ARHGAP44: variants seen among roughly 807,000 people sequenced by gnomAD.
ARHGAP44 encodes the protein Rho GTPase activating protein 44.
ARHGAP44 carries 43 observed loss-of-function variants against 106.8 expected under a neutral mutation model. The ratio of observed to expected loss-of-function variants is 0.40; its 90% CI spans 0.32 to 0.52. The LOEUF (loss-of-function observed/expected upper bound fraction) is 0.52. ARHGAP44 is among the 20% of genes least tolerant of loss of function. The pLI is 0.48. For missense variants in ARHGAP44, 866 were observed against 1,050.5 expected, an observed-to-expected ratio of 0.82 and a Z score of 2.43; for synonymous variants, 439 against 410.3, an observed-to-expected ratio of 1.07 and a Z score of -0.85.
Position 12,915,045 on chromosome 17 carries a change from T to G in ARHGAP44, c.276-855T>G, listed in dbSNP as rs547240329. ...GACTTGTAAAAGCTTTTTTGTTTGT[T>G]TATGTGTTTTTGAGACAGGGTCTCG... On this transcript the variant is annotated intron_variant, in intron 4 of 20. Coordinates refer to ENST00000379672, the MANE Select transcript of ARHGAP44 (RefSeq NM_014859.6). 1.9e-3 allele frequency among the ~76,000 whole-genome samples: 287 copies of G among 152,172 alleles called. 1 individual carries two copies. Among genetic ancestry groups the G allele is most frequent in the African/African-American group, 6.5e-3 (272 of 41,552 alleles).
At chr17:12,804,900 A>G (rs1405160655) in intron 1 of ARHGAP44, among the ~76,000 whole-genome samples, 2 of 152,216 alleles carry the variant, frequency 1.3e-5, no homozygotes, top group African/African-American at 4.8e-5. Flanking sequence ...TCATTCCTAG[A>G]GTGCAATTCA....
intron 1 of ARHGAP44, among the ~76,000 whole-genome samples, chr17:12,873,608 A>C (rs941373928): frequency 1.3e-4 from 20 of 152,218 alleles, no homozygotes; most frequent in Admixed American, 4.6e-4. Flanking sequence ...AGCTGGGCGC[A>C]AACCACCAGC....
chr17:12,944,069 A>T lies in ARHGAP44; in HGVS notation c.734A>T (p.Glu245Val). The change falls in exon 10 of 21, where the codon GAG (glutamate) becomes GTG (valine). Residue 245 changes from glutamate (E) to valine (V), a missense_variant and splice_region_variant. Glu to Val is a moderately radical substitution (Grantham distance 121). Transcript: ENST00000379672. Reference protein sequence around the residue: ...AVLPQIKAQQEAWVEKPSFGK... With the variant: ...AVLPQIKAQQVAWVEKPSFGK... The stretch of plus-strand genomic sequence containing the variant: ...GACTCTTTCTCACTCCTCCCCTCAG[A>T]GGCCTGGGTAGAGAAGCCTTCCTTC... The T allele has an allele frequency of 6.2e-7, 1 of 1,606,328 alleles. No homozygotes were observed. Among genetic ancestry groups the T allele is most frequent in the Non-Finnish European group, 8.5e-7 (1 of 1,175,302 alleles).
intron 1 of ARHGAP44, among the ~76,000 whole-genome samples, chr17:12,867,499 T>C (rs2036267541): frequency 6.6e-6 from 1 of 152,134 alleles, no homozygotes; most frequent in Admixed American, 6.5e-5. Flanking sequence ...AATTTGCAAG[T>C]CACAATTGTG....
intron 3 of ARHGAP44, among the ~76,000 whole-genome samples, chr17:12,905,804 T>G (rs1440929493): frequency 3.3e-5 from 5 of 152,202 alleles, no homozygotes. Context: ...CTGTGAATGT[T>G]TATCACAAAC....
intron 16 of ARHGAP44, 155 bp from the exon 17 acceptor site, chr17:12,973,147 G>A: frequency 1.4e-6 from 1 of 723,898 alleles, no homozygotes. Flanking sequence ...ACTTTAGAGA[G>A]ACCAACTAAA....
rs1385382899 is a variant in ARHGAP44 at position 12,955,918 on chromosome 17, G to A, written c.1188G>A (p.Lys396=). ...TGTCAGAATATCAAGATGTAAACAA[G>A]ATGACTCCCAGTAATATGGCAATTG... ...SKLSEYQDVN[K]MTPSNMAIVL... The change falls in exon 14 of 21, where the codon AAG becomes AAA. Residue 396 remains lysine, a synonymous_variant. Transcript: ENST00000379672. 6.2e-7 allele frequency: 1 copy of A among 1,613,502 alleles called. No homozygotes were observed. The highest frequency in any genetic ancestry group is 1.1e-5 in the South Asian group (1 of 91,048).
chr17:12,885,127 C>T (rs1474436351), intron 1 of ARHGAP44, among the ~76,000 whole-genome samples: 1 of 152,192 alleles, frequency 6.6e-6, no homozygotes, highest in Non-Finnish European at 1.5e-5. Context: ...TCTCGAACTC[C>T]TGACCTCGTG....
chr17:12,803,009 G>C (rs1331563125), intron 1 of ARHGAP44, among the ~76,000 whole-genome samples: 2 of 116,924 alleles, frequency 1.7e-5, no homozygotes, highest in Non-Finnish European at 3.3e-5. Context: ...GTCTAGCTCT[G>C]TCACCCAGGC....
At chr17:12,854,257 T>C (rs561896542) in intron 1 of ARHGAP44, among the ~76,000 whole-genome samples, 2 of 152,178 alleles carry the variant, frequency 1.3e-5, no homozygotes, top group Non-Finnish European at 2.9e-5. Flanking sequence ...TGCTAGCTAC[T>C]TATGAACAGG....
At chr17:12,964,408 A>G (rs900285272) in intron 16 of ARHGAP44, among the ~76,000 whole-genome samples, 6 of 152,176 alleles carry the variant, frequency 3.9e-5, no homozygotes, top group African/African-American at 1.4e-4. Context: ...AGATGCCTCC[A>G]CTGGCTACAT....
At chr17:12,927,399 G>A (rs575091879) in intron 6 of ARHGAP44, among the ~76,000 whole-genome samples, 1 of 152,254 alleles carries the variant, frequency 6.6e-6, no homozygotes, top group East Asian at 1.9e-4. Context: ...GAATAGTGGA[G>A]TAGAGAAAAT....
chr17:12,874,094 G>A lies in ARHGAP44; in HGVS notation c.54-20846G>A, dbSNP rs139756961. ...TGATGTCATGTCTGCCATTTCTGCA[G>A]TTCTCTGTGCCAATCCTTCATGGTT... On this transcript the variant is annotated intron_variant, in intron 1 of 20. Transcript: ENST00000379672. Among the ~76,000 whole-genome samples the A allele has an allele frequency of 3.1e-3, 474 of 152,296 alleles. 1 individual carries two copies. The highest frequency in any genetic ancestry group is 0.011 in the African/African-American group (447 of 41,570).
chr17:12,982,309 CT>C (rs1003470182), intron 19 of ARHGAP44, among the ~76,000 whole-genome samples: 15 of 116,608 alleles, frequency 1.3e-4, no homozygotes, highest in East Asian at 9.8e-4. Flanking sequence ...CTTAGCAGGT[CT>C]TTTTTTTTAA....
At chr17:12,975,427 T>C (rs2143352370) in intron 18 of ARHGAP44, among the ~76,000 whole-genome samples, 1 of 152,252 alleles carries the variant, frequency 6.6e-6, no homozygotes, top group South Asian at 2.1e-4. Context: ...ATTGCCATTA[T>C]TTTAGGGGAA....
intron 1 of ARHGAP44, among the ~76,000 whole-genome samples, chr17:12,859,908 C>T (rs2036018622): frequency 6.6e-6 from 1 of 152,054 alleles, no homozygotes; most frequent in Admixed American, 6.6e-5. Context: ...GGCAGAAGTT[C>T]ACTGTCAAGC....
chr17:12,935,494 T>C lies in ARHGAP44; in HGVS notation c.583-5562T>C, dbSNP rs2038519843. On this transcript the variant is annotated intron_variant, in intron 7 of 20. Coordinates refer to ENST00000379672, the MANE Select transcript of ARHGAP44 (RefSeq NM_014859.6). ...CCAAATAAGGAGAATCACTTGAACCTGGGAGGTGGAGGTTGCAGTGAGCTG... is the reference window on the plus strand; with the variant it reads ...CCAAATAAGGAGAATCACTTGAACCCGGGAGGTGGAGGTTGCAGTGAGCTG... Among the ~76,000 whole-genome samples, 2 of 149,164 alleles carry C rather than the reference T, an allele frequency of 1.3e-5. 1 individual carries two copies. The highest frequency in any genetic ancestry group is 3.0e-5 in the Non-Finnish European group (2 of 67,630).
intron 19 of ARHGAP44, among the ~76,000 whole-genome samples, chr17:12,983,664 C>A (rs3826372): frequency 6.6e-6 from 1 of 150,988 alleles, no homozygotes; most frequent in Non-Finnish European, 1.5e-5. Context: ...ATTAGCCAGG[C>A]GTGGTGGTGG....
intron 16 of ARHGAP44, among the ~76,000 whole-genome samples, chr17:12,959,637 T>A (rs2039210448): frequency 6.6e-6 from 1 of 152,206 alleles, no homozygotes. Flanking sequence ...CCAGAGGACG[T>A]GGACTAATGA....
Sources: gnomAD v4.1 joint callset for allele counts (sites outside exome capture counted in the v4.1 genomes callset) on GRCh38, gnomAD v4.1.1 for gene constraint, MANE v1.5 for transcripts, NCBI Gene and HGNC (gene_info 2026-07-23, HGNC 2026-07-21) for gene names.